MGA: variants seen among roughly 807,000 people sequenced by gnomAD.
MGA encodes MAX dimerization protein MGA, also known as MAX gene-associated protein.
In MGA, 40 loss-of-function variants were observed where a neutral mutation model predicts 261.1. The ratio of observed to expected loss-of-function variants is 0.15; its 90% CI spans 0.12 to 0.20. MGA has a LOEUF of 0.20. Among genes scored for constraint, MGA ranks in the 10% least tolerant of loss-of-function variants. The probability of loss-of-function intolerance (pLI) is 1.00; values close to 1 mark genes in which losing one functional copy is unlikely to be tolerated. For missense variants in MGA, 3,397 were observed against 3,630.5 expected (o/e 0.94, Z 1.65); for synonymous variants, 1,302 against 1,290.6 (o/e 1.01, Z -0.19).
intron 1 of MGA, among the ~76,000 whole-genome samples, chr15:41,667,622 C>A (rs2057825656): frequency 6.6e-6 from 1 of 152,058 alleles, no homozygotes; most frequent in Admixed American, 6.6e-5. Flanking sequence ...TCAAGCAATC[C>A]TCCTGCCTTG....
chr15:41,661,132 TG>T (rs1566941287), intron 1 of MGA, among the ~76,000 whole-genome samples: 1 of 151,900 alleles, frequency 6.6e-6, no homozygotes, highest in East Asian at 1.9e-4. Context: ...GCTGTAGGAG[TG>T]GGGACTTGGT....
At chr15:41,636,998 TAGAA>T (rs1246577605) in intron 1 of MGA, among the ~76,000 whole-genome samples, 2 of 151,642 alleles carry the variant, frequency 1.3e-5, no homozygotes, top group African/African-American at 2.4e-5. Context: ...GAAACTTTGA[TAGAA>T]AGGCAAGAGA....
intron 22 of MGA, among the ~76,000 whole-genome samples, chr15:41,763,611 C>T (rs1197312264): frequency 2.0e-5 from 3 of 151,688 alleles, no homozygotes; most frequent in Admixed American, 6.6e-5. Flanking sequence ...GGTGTGGTGG[C>T]TCATGCCTGT....
intron 1 of MGA, among the ~76,000 whole-genome samples, chr15:41,633,866 A>C (rs1292359927): frequency 6.6e-6 from 1 of 152,180 alleles, no homozygotes; most frequent in Non-Finnish European, 1.5e-5. Flanking sequence ...AAATCCTTAC[A>C]ACGGCCTTTA....
chr15:41,655,653 G>A (rs1042973916), upstream of MGA, among the ~76,000 whole-genome samples: 1 of 152,150 alleles, frequency 6.6e-6, no homozygotes, highest in Non-Finnish European at 1.5e-5. Context: ...ACAGAGGGCA[G>A]ACTGTATCCA....
chr15:41,743,379 A>G (rs1411003605), intron 15 of MGA, among the ~76,000 whole-genome samples: 1 of 152,262 alleles, frequency 6.6e-6, no homozygotes, highest in African/African-American at 2.4e-5. Flanking sequence ...ATTGCGATAA[A>G]TCACTGAAAA....
intron 15 of MGA, among the ~76,000 whole-genome samples, chr15:41,746,295 C>G (rs1488803066): frequency 6.6e-6 from 1 of 152,084 alleles, no homozygotes; most frequent in African/African-American, 2.4e-5. Context: ...AATCCCAGCA[C>G]TTTGGGAGGC....
chr15:41,682,913 T>G (rs189078747), intron 2 of MGA, among the ~76,000 whole-genome samples: 84 of 152,334 alleles, frequency 5.5e-4, no homozygotes, highest in Non-Finnish European at 1.1e-3. Flanking sequence ...TTAAGATGTT[T>G]AAGTAAAATT....
chr15:41,673,540 CTTTT>C (rs777334913), intron 2 of MGA, among the ~76,000 whole-genome samples: 7 of 118,932 alleles, frequency 5.9e-5, no homozygotes, highest in East Asian at 5.1e-4. Context: ...TTCTTTCTTT[CTTTT>C]TTTTTTTTTT....
chr15:41,622,578 A>G (rs776537633), intron 1 of MGA, among the ~76,000 whole-genome samples: 6 of 152,094 alleles, frequency 3.9e-5, no homozygotes, highest in Non-Finnish European at 8.8e-5. Flanking sequence ...TCTAATCCCT[A>G]TGTATTTTCT....
At chr15:41,684,696 G>C (rs973506394) in intron 2 of MGA, 10 of 185,720 alleles carry the variant, frequency 5.4e-5, no homozygotes, top group African/African-American at 2.4e-4. Flanking sequence ...TCTACATTAT[G>C]AGAGTTATGT....
chr15:41,689,486 CTT>C (rs1338221465), intron 2 of MGA, among the ~76,000 whole-genome samples: 2 of 150,798 alleles, frequency 1.3e-5, no homozygotes, highest in South Asian at 4.2e-4. Flanking sequence ...TAAGAAAAGT[CTT>C]TTATATTTAC....
chr15:41,696,677 T>C lies in MGA; in HGVS notation c.1667T>C (p.Ile556Thr), dbSNP rs1223003490. Residue 556 changes from isoleucine to threonine, a missense_variant, in exon 3 of 24, where the codon ATA becomes ACA. Around this residue, in one of 9 missense-constraint regions of MGA, gnomAD observed 563 missense variants for 563.6 expected, o/e 1.00. Coordinates refer to ENST00000219905, the MANE Select transcript of MGA (RefSeq NM_001164273.2). ...GAGCCTCAGTGGAAATATCCTGATA[T>C]ATCTGACAGCATTAGCACAGAAAGA... 1 of 1,612,932 alleles carries C rather than the reference T, an allele frequency of 6.2e-7. No homozygotes were observed. The highest frequency in any genetic ancestry group is 1.7e-5 in the Admixed American group (1 of 59,770).
intron 15 of MGA, among the ~76,000 whole-genome samples, chr15:41,748,118 G>A (rs2062609132): frequency 6.6e-6 from 1 of 151,938 alleles, no homozygotes; most frequent in African/African-American, 2.4e-5. Flanking sequence ...TTAGCCAGGT[G>A]TAGTGACACA....
chr15:41,692,765 GC>G (rs2059351923), intron 2 of MGA, among the ~76,000 whole-genome samples: 1 of 152,176 alleles, frequency 6.6e-6, no homozygotes, highest in South Asian at 2.1e-4. Flanking sequence ...AGGCTGGAGT[GC>G]AGTGGTGCGA....
chr15:41,678,574 G>A (rs2058504914), intron 2 of MGA, among the ~76,000 whole-genome samples: 1 of 150,816 alleles, frequency 6.6e-6, no homozygotes, highest in Non-Finnish European at 1.5e-5. Flanking sequence ...GACCAGTGTG[G>A]CCAACATAGT....
chr15:41,750,179 A>G lies in MGA; in HGVS notation c.6572A>G (p.Gln2191Arg). The G allele has an allele frequency of 1.9e-6, 3 of 1,613,982 alleles. No homozygotes were observed. Among genetic ancestry groups the G allele is most frequent in the Non-Finnish European group, 2.5e-6 (3 of 1,179,890 alleles). ...ACCAGGAAATGTGTTGGAGCTTCAC[A>G]GGAATGTAAGAAAGAGGCAGACGAG... is the stretch of plus-strand genomic sequence containing the variant. The change falls in exon 17 of 24, where the codon CAG (glutamine) becomes CGG (arginine). Residue 2191 changes from glutamine (Q) to arginine (R), a missense_variant. Gln to Arg is a conservative substitution (Grantham distance 43). Transcript: ENST00000219905.
At chr15:41,684,777 G>C (rs1463439576) in intron 2 of MGA, 2 of 161,018 alleles carry the variant, frequency 1.2e-5, no homozygotes, top group Non-Finnish European at 2.7e-5. Context: ...ACTTGATATA[G>C]AATGTCATTT....
upstream of MGA, among the ~76,000 whole-genome samples, chr15:41,657,724 T>C (rs966567427): frequency 6.6e-6 from 1 of 152,250 alleles, no homozygotes; most frequent in Non-Finnish European, 1.5e-5. Context: ...TCAGTCTGTA[T>C]GTAGCCCTTA....
Sources: gnomAD v4.1 joint callset for allele counts (sites outside exome capture counted in the v4.1 genomes callset) on GRCh38, gnomAD v4.1.1 for gene constraint, gnomAD v4.1.1 regional missense constraint, MANE v1.5 for transcripts, NCBI Gene and HGNC (gene_info 2026-07-23, HGNC 2026-07-21) for gene names.